The following SLC41A2 variants were observed in gnomAD, a reference collection of about 807,000 sequenced individuals.
SLC41A2 encodes solute carrier family 41 member 2.
In SLC41A2, 32 loss-of-function variants were observed where a neutral mutation model predicts 58.3. The observed-to-expected ratio is 0.55, with a 90% CI of 0.41 to 0.74. The LOEUF (loss-of-function observed/expected upper bound fraction) is 0.74. Among genes scored for constraint, SLC41A2 ranks in the 30% least tolerant of loss-of-function variants. The pLI, the probability that SLC41A2 is intolerant of heterozygous loss-of-function variation, is 0.00. For synonymous variants in SLC41A2, 190 were observed against 235.0 expected, an observed-to-expected ratio of 0.81 and a Z score of 1.75; for missense variants, 514 against 680.6, an observed-to-expected ratio of 0.76 and a Z score of 2.72.
rs1023257279 is a variant in SLC41A2, at chr12:104,803,219, C to T, written c.*1933G>A. Reference sequence around the variant, plus strand: ...TTACAGCTCAAATGCAAATAATTTACAAATGCTTTATAATAAAATCAAAGA... The same window carrying T: ...TTACAGCTCAAATGCAAATAATTTATAAATGCTTTATAATAAAATCAAAGA... On this transcript the variant is annotated 3_prime_UTR_variant, in exon 11 of 11. Coordinates refer to ENST00000258538, the MANE Select transcript of SLC41A2 (RefSeq NM_001352171.3). The T allele has an allele frequency of 6.6e-6, 1 of 152,054 alleles. No individual in the cohort carries two copies. The highest frequency in any genetic ancestry group is 1.5e-5 in the Non-Finnish European group (1 of 67,974). The allele number at this position is 152,054 out of a possible 1,614,324, so 9.4% of individuals were successfully genotyped here. A position where few individuals can be genotyped will look rare whatever the true frequency, so the allele number is the denominator to read the frequency against.
At chr12:104,821,611 A>G (rs2041641775) in intron 10 of SLC41A2, among the ~76,000 whole-genome samples, 1 of 152,250 alleles carries the variant, frequency 6.6e-6, no homozygotes, top group African/African-American at 2.4e-5. Flanking sequence ...TCGCTTAAGC[A>G]TATATTCAGT....
chr12:104,909,669 T>A lies in SLC41A2; in HGVS notation c.649A>T (p.Arg217Ter). ...AAAAAACTTACTGCAGTGGATAATC[T>A]GGATGCCAATGTCATTTCCAAGTTC... ...KGNLEMTLASRLSTAVNIGKM... is the reference protein window; with the variant it reads ...KGNLEMTLAS Residue 217 changes from arginine to a stop codon, truncating the protein, a stop_gained, in exon 3 of 11, where the codon AGA (arginine) becomes TGA (stop). Transcript: ENST00000258538. LOFTEE classifies it high-confidence loss of function. The A allele has an allele frequency of 6.2e-7, 1 of 1,609,760 alleles. No homozygotes were observed. Among genetic ancestry groups the A allele is most frequent in the Non-Finnish European group, 8.5e-7 (1 of 1,178,446 alleles).
At chr12:104,924,548 C>A (rs530510944) in intron 2 of SLC41A2, among the ~76,000 whole-genome samples, 1 of 152,058 alleles carries the variant, frequency 6.6e-6, no homozygotes, top group Admixed American at 6.5e-5. Context: ...AGTTCAAGAC[C>A]AGCCTGACCC....
chr12:104,890,372 T>C (rs1431919614), intron 4 of SLC41A2, among the ~76,000 whole-genome samples: 1 of 152,092 alleles, frequency 6.6e-6, no homozygotes, highest in Non-Finnish European at 1.5e-5. Flanking sequence ...TATTTCAGGA[T>C]TTTCATTCTG....
chr12:104,858,792 A>C (rs1469290183), intron 8 of SLC41A2, among the ~76,000 whole-genome samples: 1 of 152,170 alleles, frequency 6.6e-6, no homozygotes, highest in African/African-American at 2.4e-5. Flanking sequence ...TAGCCAACTA[A>C]GAGGTTTACT....
intron 10 of SLC41A2, among the ~76,000 whole-genome samples, chr12:104,839,728 C>T (rs901792797): frequency 6.6e-6 from 1 of 152,156 alleles, no homozygotes; most frequent in African/African-American, 2.4e-5. Context: ...TGGTCTCGAA[C>T]TCCTGACCTC....
At chr12:104,842,774 A>G (rs779300423) in intron 10 of SLC41A2, among the ~76,000 whole-genome samples, 1 of 152,114 alleles carries the variant, frequency 6.6e-6, no homozygotes, top group African/African-American at 2.4e-5. Flanking sequence ...TATTTTTAAT[A>G]AACTAGAAAA....
intron 2 of SLC41A2, among the ~76,000 whole-genome samples, chr12:104,917,378 G>T (rs1319591718): frequency 1.3e-5 from 2 of 152,144 alleles, no homozygotes; most frequent in South Asian, 4.1e-4. Context: ...CTGTTGGTGG[G>T]ACTGTAAACT....
chr12:104,902,034 T>G (rs2045588919), intron 3 of SLC41A2, among the ~76,000 whole-genome samples: 1 of 152,188 alleles, frequency 6.6e-6, no homozygotes, highest in Non-Finnish European at 1.5e-5. Context: ...TAACCATTGA[T>G]TGGCCTTCTA....
intron 6 of SLC41A2, among the ~76,000 whole-genome samples, chr12:104,876,588 T>G (rs1268377445): frequency 3.3e-5 from 5 of 152,200 alleles, no homozygotes; most frequent in Non-Finnish European, 5.9e-5. Context: ...CTATTATTGA[T>G]TCCTAGTTTC....
intron 3 of SLC41A2, among the ~76,000 whole-genome samples, chr12:104,896,926 G>A (rs77517862): frequency 6.6e-5 from 10 of 152,110 alleles, no homozygotes; most frequent in Non-Finnish European, 1.3e-4. Context: ...GATCAGACAC[G>A]CAGGTGTCCA....
chr12:104,856,495 T>C (rs1247829890), intron 8 of SLC41A2, among the ~76,000 whole-genome samples: 1 of 151,628 alleles, frequency 6.6e-6, no homozygotes, highest in Non-Finnish European at 1.5e-5. Flanking sequence ...TTGTAGAGAG[T>C]AGAAGAGACA....
chr12:104,860,617 C>T (rs527522836), intron 8 of SLC41A2, among the ~76,000 whole-genome samples: 55 of 152,074 alleles, frequency 3.6e-4, no homozygotes, highest in African/African-American at 1.3e-3. Flanking sequence ...CAGGGTCTCA[C>T]TCTGTTTCCC....
At chr12:104,871,702 T>C (rs2043787017) in intron 6 of SLC41A2, among the ~76,000 whole-genome samples, 1 of 152,236 alleles carries the variant, frequency 6.6e-6, no homozygotes, top group African/African-American at 2.4e-5. Flanking sequence ...GCCAAAATCA[T>C]TCTGAATAAC....
chr12:104,954,460 C>A (rs1364137865), intron 1 of SLC41A2, among the ~76,000 whole-genome samples: 1 of 152,238 alleles, frequency 6.6e-6, no homozygotes, highest in Non-Finnish European at 1.5e-5. Flanking sequence ...CCAATTGTCA[C>A]TGCCCTCTAC....
intron 8 of SLC41A2, among the ~76,000 whole-genome samples, chr12:104,849,671 TA>T (rs1201330337): frequency 6.6e-6 from 1 of 151,884 alleles, no homozygotes; most frequent in African/African-American, 2.4e-5. Context: ...CTACTAAAAA[TA>T]AAAAAATTAG....
rs1168871559 is a variant in SLC41A2 at position 104,937,298 on chromosome 12, A to T, written c.-167-8604T>A. ...TTCACTTACTGACTTACCCAGAGCA[A>T]CTTCCAGTACTGAAAACTCCATTCA... On this transcript the variant is annotated intron_variant, in intron 1 of 10. Transcript: ENST00000258538. Among the ~76,000 whole-genome samples, 3 of 152,208 alleles carry T rather than the reference A, an allele frequency of 2.0e-5. No homozygotes were observed. The East Asian group carries it at 5.8e-4, about 29-fold the overall frequency.
At chr12:104,912,504 T>G (rs1156970043) in intron 2 of SLC41A2, among the ~76,000 whole-genome samples, 1 of 152,208 alleles carries the variant, frequency 6.6e-6, no homozygotes, top group East Asian at 1.9e-4. Flanking sequence ...TCCACACAGC[T>G]GAACATTTGG....
chr12:104,908,226 C>T (rs2045935196), intron 3 of SLC41A2, among the ~76,000 whole-genome samples: 1 of 152,196 alleles, frequency 6.6e-6, no homozygotes, highest in African/African-American at 2.4e-5. Context: ...GATCACGCCA[C>T]TGTACTCCAG....
Sources: gnomAD v4.1 joint callset for allele counts (sites outside exome capture counted in the v4.1 genomes callset) on GRCh38, gnomAD v4.1.1 for gene constraint, MANE v1.5 for transcripts, NCBI Gene and HGNC (gene_info 2026-07-23, HGNC 2026-07-21) for gene names.